Variants in DLC1 observed in about 807,000 individuals in gnomAD.
The protein encoded by DLC1 is DLC1 Rho GTPase activating protein.
DLC1 carries 54 observed loss-of-function variants against 140.3 expected under a neutral mutation model. The ratio of observed to expected loss-of-function variants is 0.38; its 90% CI spans 0.31 to 0.48. DLC1 has a LOEUF of 0.48. DLC1 is among the 20% of genes least tolerant of loss of function. The pLI is 0.96. For synonymous variants in DLC1, 986 were observed against 728.1 expected, an observed-to-expected ratio of 1.35 and a Z score of -5.70; for missense variants, 2,536 against 1,907.0, an observed-to-expected ratio of 1.33 and a Z score of -6.14.
chr8:13,435,959 C>T (rs940074524), intron 2 of DLC1, among the ~76,000 whole-genome samples: 7 of 152,170 alleles, frequency 4.6e-5, no homozygotes, highest in African/African-American at 1.7e-4. Context: ...GACCCTCCAC[C>T]AGCAAAAAGA....
intron 4 of DLC1, among the ~76,000 whole-genome samples, chr8:13,358,144 G>GT (rs1453754423): frequency 6.6e-6 from 1 of 152,102 alleles, no homozygotes. Context: ...CCTATTCACC[G>GT]TAAGTTTTTC....
intron 2 of DLC1, among the ~76,000 whole-genome samples, chr8:13,479,762 G>C (rs1800602813): frequency 6.0e-5 from 1 of 16,610 alleles, no homozygotes; most frequent in African/African-American, 1.1e-4. Context: ...GCAAGAATCT[G>C]TCTCAGAAAG....
chr8:13,416,614 A>C (rs1358626349), intron 2 of DLC1, among the ~76,000 whole-genome samples: 1 of 152,208 alleles, frequency 6.6e-6, no homozygotes, highest in African/African-American at 2.4e-5. Flanking sequence ...AACAGACCAA[A>C]ATAGTATAAA....
At chr8:13,192,612 T>A (rs888770436) in intron 5 of DLC1, among the ~76,000 whole-genome samples, 1 of 152,160 alleles carries the variant, frequency 6.6e-6, no homozygotes, top group Non-Finnish European at 1.5e-5. Context: ...TTGGACAGAA[T>A]TGTAGCACTC....
chr8:13,454,078 T>C (rs1476410521), intron 2 of DLC1, among the ~76,000 whole-genome samples: 1 of 152,060 alleles, frequency 6.6e-6, no homozygotes, highest in African/African-American at 2.4e-5. Context: ...AATATGGCAT[T>C]AAAAAGAAAA....
intron 5 of DLC1, among the ~76,000 whole-genome samples, chr8:13,176,367 A>G (rs577686497): frequency 2.0e-5 from 3 of 152,202 alleles, no homozygotes; most frequent in Non-Finnish European, 2.9e-5. Flanking sequence ...TCACAAGGTC[A>G]GGAGATCGAG....
intron 1 of DLC1, among the ~76,000 whole-genome samples, chr8:13,506,602 T>C (rs1278776842): frequency 4.5e-5 from 5 of 110,862 alleles, no homozygotes; most frequent in African/African-American, 1.8e-4. Flanking sequence ...TATATATATA[T>C]ATATATACAC....
chr8:13,417,829 A>C (rs1838142817), intron 2 of DLC1, among the ~76,000 whole-genome samples: 1 of 152,180 alleles, frequency 6.6e-6, no homozygotes, highest in South Asian at 2.1e-4. Context: ...TCCCACCAAC[A>C]GTGTAAAAGT....
intron 1 of DLC1, among the ~76,000 whole-genome samples, chr8:13,549,578 G>T (rs773006149): frequency 6.6e-6 from 1 of 151,934 alleles, no homozygotes; most frequent in African/African-American, 2.4e-5. Context: ...GTGACACAAC[G>T]AATCCAAAAA....
At position 13,576,508 on chromosome 8, in the gene DLC1, A is replaced by G. The variant is rs536293348; in HGVS notation, c.-126+28029T>C. Among the ~76,000 whole-genome samples the G allele has an allele frequency of 2.0e-3, 306 of 152,334 alleles. 2 individuals are homozygous for G. Among genetic ancestry groups the G allele is most frequent in the Middle Eastern group, 6.8e-3 (2 of 294 alleles). ...GTAAACATAGAAATATGTTGCCTCC[A>G]GATCCTGAAAAGTTGTAAAAGTTGA... is the stretch of plus-strand genomic sequence containing the variant. On this transcript the variant is annotated intron_variant, in intron 1 of 1. Coordinates refer to the DLC1 transcript ENST00000631382.
chr8:13,411,723 TAAAG>T (rs1383056581), intron 2 of DLC1, among the ~76,000 whole-genome samples: 2 of 152,040 alleles, frequency 1.3e-5, no homozygotes, highest in Non-Finnish European at 2.9e-5. Context: ...TGAAACAAAA[TAAAG>T]AAAATGGAAA....
At chr8:13,184,509 C>T (rs929904316) in intron 5 of DLC1, among the ~76,000 whole-genome samples, 8 of 152,174 alleles carry the variant, frequency 5.3e-5, no homozygotes, top group Non-Finnish European at 1.0e-4. Flanking sequence ...TCTTTGTTCT[C>T]ATTGGGTTCA....
At chr8:13,110,240 T>C (rs1358863951) in intron 7 of DLC1, among the ~76,000 whole-genome samples, 1 of 152,172 alleles carries the variant, frequency 6.6e-6, no homozygotes, top group East Asian at 1.9e-4. Flanking sequence ...CAATTTCTCA[T>C]CATTTAACTG....
intron 5 of DLC1, among the ~76,000 whole-genome samples, chr8:13,251,446 A>G (rs1830000128): frequency 6.6e-6 from 1 of 152,184 alleles, no homozygotes; most frequent in African/African-American, 2.4e-5. Flanking sequence ...AGTCCTAATC[A>G]TTGTATGGGC....
chr8:13,443,192 TG>T (rs1188404353), intron 2 of DLC1, among the ~76,000 whole-genome samples: 1 of 73,700 alleles, frequency 1.4e-5, no homozygotes, highest in African/African-American at 5.5e-5. Flanking sequence ...CATCAGACAC[TG>T]GGGCCTGTTG....
At chr8:13,489,388 C>T (rs1801128147) in intron 2 of DLC1, among the ~76,000 whole-genome samples, 1 of 100,932 alleles carries the variant, frequency 9.9e-6, no homozygotes, top group Non-Finnish European at 2.0e-5. Context: ...ATAATTAGGG[C>T]AATTTAGTAA....
chr8:13,604,202 C>G (rs929833626), intron 1 of DLC1, among the ~76,000 whole-genome samples: 1 of 152,046 alleles, frequency 6.6e-6, no homozygotes, highest in African/African-American at 2.4e-5. Context: ...TCACTTTGAA[C>G]TATGTAGCAG....
chr8:13,453,427 T>C (rs1256063148), intron 2 of DLC1, among the ~76,000 whole-genome samples: 2 of 19,700 alleles, frequency 1.0e-4, no homozygotes, highest in African/African-American at 4.2e-4. Flanking sequence ...TATATATGTG[T>C]ATATATATAT....
At chr8:13,312,116 C>G (rs944503854) in intron 4 of DLC1, among the ~76,000 whole-genome samples, 6 of 149,000 alleles carry the variant, frequency 4.0e-5, no homozygotes, top group African/African-American at 1.5e-4. Flanking sequence ...AATCCCAGCA[C>G]TTTGGGAGGC....
Sources: allele counts gnomAD v4.1 joint callset (sites outside exome capture counted in the v4.1 genomes callset), GRCh38; gene constraint gnomAD v4.1.1; transcripts MANE v1.5; gene names NCBI Gene and HGNC (gene_info 2026-07-23, HGNC 2026-07-21).